Variants in STOX2 observed in about 807,000 individuals in gnomAD.
STOX2 encodes the protein storkhead box 2.
In STOX2, 28 loss-of-function variants were observed where a neutral mutation model predicts 60.9. That is an observed-to-expected ratio of 0.46 (90% confidence interval 0.34 to 0.63). The LOEUF is 0.63. Among genes scored for constraint, STOX2 ranks in the 30% least tolerant of loss-of-function variants. The pLI is 0.01. For synonymous variants in STOX2, 472 were observed against 463.9 expected (o/e 1.02, Z -0.22); for missense variants, 1,024 against 1,187.7 (o/e 0.86, Z 2.03).
intron 1 of STOX2, among the ~76,000 whole-genome samples, chr4:183,799,066 C>T (rs1738701212): frequency 6.6e-6 from 1 of 152,224 alleles, no homozygotes; most frequent in Non-Finnish European, 1.5e-5. Context: ...TCGTTACCCG[C>T]TGTTGCTATG....
chr4:183,824,199 A>G (rs1739369806), intron 1 of STOX2, among the ~76,000 whole-genome samples: 2 of 152,346 alleles, frequency 1.3e-5, no homozygotes, highest in South Asian at 4.1e-4. Flanking sequence ...GTAATAATAA[A>G]TTCATACTGG....
intron 1 of STOX2, among the ~76,000 whole-genome samples, chr4:183,844,940 C>T (rs962161166): frequency 6.6e-6 from 1 of 152,196 alleles, no homozygotes; most frequent in East Asian, 1.9e-4. Flanking sequence ...ATTACATCCT[C>T]ATAAGAATCT....
At chr4:183,887,715 A>G (rs556054073) in intron 1 of STOX2, among the ~76,000 whole-genome samples, 4 of 152,356 alleles carry the variant, frequency 2.6e-5, no homozygotes, top group African/African-American at 7.2e-5. Context: ...ACTTACATCC[A>G]TGCTCCAAAG....
chr4:183,988,827 C>T (rs1732961840), intron 1 of STOX2: 2 of 152,714 alleles, frequency 1.3e-5, no homozygotes, highest in East Asian at 3.8e-4. Context: ...GGTAGGTTTC[C>T]CCTGCTTTTA....
chr4:184,016,983 C>A, intron 3 of STOX2, 106 bp from the exon 4 acceptor site: 1 of 932,724 alleles, frequency 1.1e-6, no homozygotes, highest in Non-Finnish European at 1.6e-6. Context: ...CATTATGAAC[C>A]AACAGAGGAA....
chr4:183,932,401 T>C (rs1442308831), intron 1 of STOX2, among the ~76,000 whole-genome samples: 1 of 72,530 alleles, frequency 1.4e-5, no homozygotes, highest in Non-Finnish European at 2.7e-5. Flanking sequence ...ATACATACAG[T>C]ATATGTATGT....
chr4:183,976,100 C>G (rs1254055243), intron 1 of STOX2, among the ~76,000 whole-genome samples: 2 of 152,158 alleles, frequency 1.3e-5, no homozygotes, highest in Non-Finnish European at 2.9e-5. Flanking sequence ...ATCATGAAGT[C>G]AAGAAATCGA....
intron 1 of STOX2, among the ~76,000 whole-genome samples, chr4:183,839,013 A>ACGCG (rs576428266): frequency 6.7e-6 from 1 of 149,542 alleles, no homozygotes; most frequent in Non-Finnish European, 1.5e-5. Flanking sequence ...GTACACGTGC[A>ACGCG]CGCGCGCGCG....
At chr4:183,963,937 G>A (rs1041142889) in intron 1 of STOX2, among the ~76,000 whole-genome samples, 1 of 151,540 alleles carries the variant, frequency 6.6e-6, no homozygotes, top group Non-Finnish European at 1.5e-5. Context: ...CACCACGCCC[G>A]GCTTATTTTT....
chr4:183,940,946 C>T lies in STOX2; in HGVS notation c.166+33990C>T, dbSNP rs376619402. Among the ~76,000 whole-genome samples the T allele has an allele frequency of 1.7e-4, 26 of 152,236 alleles. 3 individuals are homozygous for T. Among genetic ancestry groups the T allele is most frequent in the Admixed American group, 1.4e-3 (22 of 15,296 alleles). On this transcript the variant is annotated intron_variant, in intron 1 of 3. Transcript: ENST00000308497. The stretch of plus-strand genomic sequence containing the variant: ...AAACCACTTTTCATTCAGGCTGCCA[C>T]GAAAATGAAACATTCAGGAGAGACA...
At chr4:183,887,255 A>T (rs1394315964) in intron 1 of STOX2, among the ~76,000 whole-genome samples, 1 of 125,082 alleles carries the variant, frequency 8.0e-6, no homozygotes, top group African/African-American at 2.8e-5. Flanking sequence ...CAAGAATGAG[A>T]CTCCGCCTGA....
chr4:183,955,143 T>TCTAATTCTCATTGAA (rs1743211325), intron 1 of STOX2, among the ~76,000 whole-genome samples: 1 of 152,238 alleles, frequency 6.6e-6, no homozygotes, highest in Non-Finnish European at 1.5e-5. Context: ...TTTCTCTTCC[T>TCTAATTCTCATTGAA]GGTAGCCTAA....
chr4:183,962,918 G>T (rs1297363931), intron 1 of STOX2, among the ~76,000 whole-genome samples: 1 of 152,192 alleles, frequency 6.6e-6, no homozygotes, highest in Non-Finnish European at 1.5e-5. Context: ...TTTATAAAAG[G>T]GGGGTTATTA....
chr4:184,013,141 A>G (rs976753770), intron 3 of STOX2, among the ~76,000 whole-genome samples: 9 of 152,220 alleles, frequency 5.9e-5, no homozygotes, highest in African/African-American at 1.4e-4. Context: ...ACAGACAGGA[A>G]GCTGCCGTAC....
chr4:183,982,499 A>T (rs4862278), intron 1 of STOX2, among the ~76,000 whole-genome samples: 75,018 of 151,574 alleles, frequency 0.49, 18,583 homozygotes, highest in Middle Eastern at 0.53. Context: ...GTCTTTTTTT[A>T]AAAAAATCAA....
At chr4:183,903,750 C>G (rs1404969023), upstream of STOX2, among the ~76,000 whole-genome samples, 1 of 152,176 alleles carries the variant, frequency 6.6e-6, no homozygotes, top group Non-Finnish European at 1.5e-5. Context: ...ATTAATACAA[C>G]TTGTTATTAC....
In STOX2 at chr4:184,021,604, A is replaced by G. The variant is rs929591034; in HGVS notation, c.*4320A>G. ...TTACAGTTTCATATTGGGTTGCTATAGTTCCCGTGCTAAATCACCAGCTTT... is the reference window on the plus strand; with the variant it reads ...TTACAGTTTCATATTGGGTTGCTATGGTTCCCGTGCTAAATCACCAGCTTT... On this transcript the variant is annotated 3_prime_UTR_variant, in exon 4 of 4. Transcript: ENST00000308497. 6.6e-6 allele frequency: 1 copy of G among 152,224 alleles called. No homozygotes were observed. Among genetic ancestry groups the G allele is most frequent in the African/African-American group, 2.4e-5 (1 of 41,444 alleles). The allele number at this position is 152,224 out of a possible 1,614,324, so 9.4% of individuals were successfully genotyped here.
intron 1 of STOX2, among the ~76,000 whole-genome samples, chr4:183,808,650 G>A (rs571115046): frequency 6.6e-6 from 1 of 152,326 alleles, no homozygotes; most frequent in South Asian, 2.1e-4. Context: ...CAGTACTTTA[G>A]ACACTGTCTG....
At position 183,906,773 on chromosome 4, in the gene STOX2, C is replaced by T; in HGVS notation, c.-18C>T. On this transcript the variant is annotated 5_prime_UTR_variant, in exon 1 of 4. Coordinates refer to ENST00000308497, the MANE Select transcript of STOX2 (RefSeq NM_020225.3). ...GCTGAGGCCCCGAGGATCGGGGCGGCAGGTCGCCCTCCCCACCATGAAGAA... is the reference window on the plus strand; with the variant it reads ...GCTGAGGCCCCGAGGATCGGGGCGGTAGGTCGCCCTCCCCACCATGAAGAA... The T allele has an allele frequency of 6.6e-7, 1 of 1,506,554 alleles. No homozygotes were observed. Among genetic ancestry groups the T allele is most frequent in the Non-Finnish European group, 8.9e-7 (1 of 1,121,720 alleles). 93.3% of individuals were successfully genotyped at this position (1,506,554 alleles called of 1,614,324 possible).
Sources: gnomAD v4.1 joint callset for allele counts (sites outside exome capture counted in the v4.1 genomes callset) on GRCh38, gnomAD v4.1.1 for gene constraint, MANE v1.5 for transcripts, NCBI Gene and HGNC (gene_info 2026-07-23, HGNC 2026-07-21) for gene names.